CCNH: variants seen among roughly 807,000 people sequenced by gnomAD.
CCNH encodes cyclin H, also known as cyclin-H.
CCNH carries 31 observed loss-of-function variants against 41.9 expected under a neutral mutation model. The observed-to-expected ratio is 0.74, with a 90% CI of 0.56 to 1.00. The LOEUF (loss-of-function observed/expected upper bound fraction) is 1.00, where lower values mean the gene tolerates loss of function less well. Among genes scored for constraint, CCNH ranks in the 50% least tolerant of loss-of-function variants. The pLI, the probability that CCNH is intolerant of heterozygous loss-of-function variation, is 0.00. For synonymous variants in CCNH, 138 were observed against 136.1 expected, an observed-to-expected ratio of 1.01 and a Z score of -0.10; for missense variants, 362 against 388.4, an observed-to-expected ratio of 0.93 and a Z score of 0.57.
At chr5:87,365,787 C>CA (rs1277160835) in intron 9 of CCNH, among the ~76,000 whole-genome samples, 1 of 151,510 alleles carries the variant, frequency 6.6e-6, no homozygotes, top group Admixed American at 6.6e-5. Context: ...TACTTTGAAA[C>CA]AAAGAAGGTC....
At chr5:87,328,533 C>T (rs1435109483) in intron 9 of CCNH, among the ~76,000 whole-genome samples, 2 of 151,990 alleles carry the variant, frequency 1.3e-5, no homozygotes, top group African/African-American at 4.8e-5. Flanking sequence ...ATAACCACTC[C>T]CAAAGTGTTC....
chr5:87,331,076 C>G, intron 9 of CCNH: 3 of 1,037,726 alleles, frequency 2.9e-6, no homozygotes, highest in Non-Finnish European at 4.1e-6. Flanking sequence ...AGCAGGCAAT[C>G]CTGGAAGTAG....
intron 7 of CCNH, among the ~76,000 whole-genome samples, chr5:87,395,395 C>T (rs559927407): frequency 6.6e-6 from 1 of 151,752 alleles, no homozygotes; most frequent in South Asian, 2.1e-4. Flanking sequence ...TAAAAAAGAA[C>T]AGTGTTGGAG....
At chr5:87,400,174 T>A (rs1395221405) in intron 6 of CCNH, among the ~76,000 whole-genome samples, 1 of 152,130 alleles carries the variant, frequency 6.6e-6, no homozygotes, top group Non-Finnish European at 1.5e-5. Flanking sequence ...GGGCTTATTA[T>A]TACTATTAGC....
At position 87,407,553 on chromosome 5, in the gene CCNH, A is replaced by G. The variant is rs1045507496; in HGVS notation, c.525+423T>C. 6.6e-5 allele frequency among the ~76,000 whole-genome samples: 10 copies of G among 152,360 alleles called. No homozygotes were observed. The South Asian group carries it at 1.2e-3, about 19-fold the overall frequency. ...CTTAAGTTCACAAACCTCTAAAAAT[A>G]TAAGTCACTTAGCAATCTTCTAGTT... On this transcript the variant is annotated intron_variant, in intron 4 of 8. Coordinates refer to ENST00000256897, the MANE Select transcript of CCNH (RefSeq NM_001239.4).
At chr5:87,394,594 C>A in intron 8 of CCNH, 110 bp from the exon 9 acceptor site, 1 of 1,542,102 alleles carries the variant, frequency 6.5e-7, no homozygotes, top group Non-Finnish European at 8.7e-7. Context: ...ATGTGGATTA[C>A]AAAAGATAAA....
chr5:87,346,617 TATG>T (rs1313567784), intron 9 of CCNH: 1 of 1,160,994 alleles, frequency 8.6e-7, no homozygotes, highest in South Asian at 1.3e-5. Context: ...ATTTTGATCA[TATG>T]ATAACAGCAA....
intron 9 of CCNH, chr5:87,362,515 A>G: frequency 6.4e-7 from 1 of 1,559,648 alleles, no homozygotes; most frequent in Admixed American, 1.7e-5. Flanking sequence ...TCCATCAAGA[A>G]TGTATGAAAT....
At chr5:87,394,952 C>G in intron 8 of CCNH, 92 bp downstream of exon 8, 1 of 1,596,158 alleles carries the variant, frequency 6.3e-7, no homozygotes, top group Non-Finnish European at 8.5e-7. Context: ...CTCTATAATG[C>G]CTGTACTCTT....
chr5:87,390,849 A>C, downstream of CCNH: 1 of 1,613,716 alleles, frequency 6.2e-7, no homozygotes, highest in South Asian at 1.1e-5. Context: ...CAACAAAAAC[A>C]AAACCAGTAT....
chr5:87,395,701 G>A (rs1216313791), intron 7 of CCNH, among the ~76,000 whole-genome samples: 2 of 152,020 alleles, frequency 1.3e-5, no homozygotes, highest in Non-Finnish European at 2.9e-5. Context: ...GCGAAACCTC[G>A]TCTCTACAAA....
intron 9 of CCNH, among the ~76,000 whole-genome samples, chr5:87,321,427 C>T (rs942047401): frequency 6.6e-6 from 1 of 152,184 alleles, no homozygotes; most frequent in African/African-American, 2.4e-5. Context: ...GTCTTGGGGT[C>T]TGGGCCCTCC....
At chr5:87,391,921 T>A (rs1449306783), downstream of CCNH, 1 of 226,832 alleles carries the variant, frequency 4.4e-6, no homozygotes, top group African/African-American at 2.2e-5. Flanking sequence ...CTTGCATAAT[T>A]GATTACTTCT....
intron 9 of CCNH, among the ~76,000 whole-genome samples, chr5:87,355,400 A>G (rs557266828): frequency 9.9e-5 from 15 of 152,278 alleles, no homozygotes; most frequent in African/African-American, 1.9e-4. Flanking sequence ...TGCTCTGTCA[A>G]TGGAACTACA....
At chr5:87,350,398 G>A (rs1240768417) in intron 9 of CCNH, among the ~76,000 whole-genome samples, 2 of 151,684 alleles carry the variant, frequency 1.3e-5, no homozygotes, top group Admixed American at 1.3e-4. Flanking sequence ...CCAGTTTTCT[G>A]GAGATTTAGA....
intron 4 of CCNH, among the ~76,000 whole-genome samples, chr5:87,407,571 T>TTCTAGTTTAAGAATTTTTTATGGTTTA (rs1763892725): frequency 1.3e-5 from 2 of 152,220 alleles, no homozygotes; most frequent in African/African-American, 2.4e-5. Flanking sequence ...CTTAGCAATC[T>TTCTAGTTTAAGAATTTTTTATGGTTTA]TCTAGTTTAA....
chr5:87,380,891 G>C (rs186534449), upstream of CCNH, among the ~76,000 whole-genome samples: 44 of 152,284 alleles, frequency 2.9e-4, no homozygotes, highest in East Asian at 8.5e-3. Flanking sequence ...ACTTCATATA[G>C]TATTCTTCAT....
intron 9 of CCNH, chr5:87,341,271 C>A: frequency 7.7e-7 from 1 of 1,302,436 alleles, no homozygotes; most frequent in Non-Finnish European, 9.9e-7. Flanking sequence ...AAAATACTGT[C>A]TTAATGTCTT....
chr5:87,361,143 C>T (rs1274282427), intron 9 of CCNH, among the ~76,000 whole-genome samples: 6 of 152,128 alleles, frequency 3.9e-5, no homozygotes, highest in African/African-American at 4.8e-5. Flanking sequence ...TTTAGTGTGT[C>T]CACTAAAGTC....
Sources: allele counts gnomAD v4.1 joint callset (sites outside exome capture counted in the v4.1 genomes callset), GRCh38; gene constraint gnomAD v4.1.1; transcripts MANE v1.5; gene names NCBI Gene and HGNC (gene_info 2026-07-23, HGNC 2026-07-21).